FSHR: variants seen among roughly 807,000 people sequenced by gnomAD.
The protein encoded by FSHR is follicle-stimulating hormone receptor.
FSHR carries 46 observed loss-of-function variants against 52.1 expected under a neutral mutation model. That is an observed-to-expected ratio of 0.88 (90% CI 0.70 to 1.13). FSHR has a LOEUF of 1.13. FSHR is among the 50% of genes most tolerant of loss of function. The pLI, the probability that FSHR is intolerant of heterozygous loss-of-function variation, is 0.00. For synonymous variants in FSHR, 399 were observed against 309.6 expected (o/e 1.29, Z -3.03); for missense variants, 964 against 834.6 (o/e 1.16, Z -1.91).
intron 4 of FSHR, among the ~76,000 whole-genome samples, chr2:49,017,037 T>C (rs1365467915): frequency 6.6e-6 from 1 of 152,156 alleles, no homozygotes; most frequent in Non-Finnish European, 1.5e-5. Context: ...TCTCTGCTGA[T>C]AAAATACCAT....
chr2:49,129,141 T>A (rs1463166285), intron 1 of FSHR, among the ~76,000 whole-genome samples: 2 of 152,110 alleles, frequency 1.3e-5, no homozygotes, highest in Non-Finnish European at 2.9e-5. Context: ...CCTGCCTGTC[T>A]TGCTCCTCAC....
intron 1 of FSHR, among the ~76,000 whole-genome samples, chr2:49,077,628 G>C (rs1669997293): frequency 6.6e-6 from 1 of 152,106 alleles, no homozygotes; most frequent in Non-Finnish European, 1.5e-5. Flanking sequence ...TGCATTGTCA[G>C]GCTGCAAATT....
At chr2:49,081,094 TTCC>T (rs1433987600) in intron 1 of FSHR, among the ~76,000 whole-genome samples, 1 of 152,158 alleles carries the variant, frequency 6.6e-6, no homozygotes, top group African/African-American at 2.4e-5. Context: ...TTTCTTTGTG[TTCC>T]TCCTCCTGCC....
intron 1 of FSHR, among the ~76,000 whole-genome samples, chr2:49,132,634 C>T (rs965643463): frequency 1.3e-5 from 2 of 152,086 alleles, no homozygotes; most frequent in Non-Finnish European, 2.9e-5. Context: ...TAAGTAACTT[C>T]ATTGCAATAA....
In FSHR at chr2:48,990,604, T is replaced by G. The variant is rs201387284; in HGVS notation, c.408A>C (p.Pro136=). ...LISNTGIKHL[P]DVHKIHSLQK... is the part of the protein sequence containing the mutation. ...GGAGAGAATGAATCTTGTGAACATC[T>G]GGAAGGTGCTTAATACCTGTGTTGG... The change falls in exon 5 of 10, where the codon CCA becomes CCC. Residue 136 remains proline, a synonymous_variant. Transcript: ENST00000406846. 3 of 1,612,230 alleles carry G rather than the reference T, an allele frequency of 1.9e-6. No individual in the cohort carries two copies. The highest frequency in any genetic ancestry group is 2.5e-6 in the Non-Finnish European group (3 of 1,178,372).
chr2:49,078,604 A>T (rs1005451598), intron 1 of FSHR, among the ~76,000 whole-genome samples: 1 of 151,518 alleles, frequency 6.6e-6, no homozygotes, highest in African/African-American at 2.4e-5. Flanking sequence ...TTCAAAGAAA[A>T]TTTTCATATA....
chr2:49,029,266 T>C (rs775481084), intron 2 of FSHR, among the ~76,000 whole-genome samples: 21 of 152,248 alleles, frequency 1.4e-4, no homozygotes, highest in Non-Finnish European at 2.6e-4. Flanking sequence ...GTGGCTGCTG[T>C]TTATTGAATT....
chr2:49,024,067 GAT>G (rs1382922948), intron 2 of FSHR, among the ~76,000 whole-genome samples: 6 of 152,114 alleles, frequency 3.9e-5, no homozygotes, highest in Non-Finnish European at 8.8e-5. Context: ...CATTATAACT[GAT>G]ACTCATTTGA....
chr2:49,103,356 GGCAAATC>G (rs1671102863), intron 1 of FSHR, among the ~76,000 whole-genome samples: 2 of 152,126 alleles, frequency 1.3e-5, no homozygotes, highest in African/African-American at 4.8e-5. Context: ...AAGTGGCACT[GGCAAATC>G]TCTCACAACA....
At chr2:49,035,012 G>T (rs976766190) in intron 2 of FSHR, among the ~76,000 whole-genome samples, 12 of 152,330 alleles carry the variant, frequency 7.9e-5, no homozygotes, top group Middle Eastern at 6.8e-3. Context: ...CTCACGCAAT[G>T]CTGCAGATGG....
At chr2:49,108,595 T>C (rs1572754996) in intron 1 of FSHR, among the ~76,000 whole-genome samples, 1 of 152,140 alleles carries the variant, frequency 6.6e-6, no homozygotes, top group South Asian at 2.1e-4. Context: ...CCTATAATTC[T>C]CCTGCCAAGA....
At chr2:49,018,971 T>A (rs1271069574) in intron 3 of FSHR, among the ~76,000 whole-genome samples, 1 of 152,220 alleles carries the variant, frequency 6.6e-6, no homozygotes, top group Non-Finnish European at 1.5e-5. Flanking sequence ...AAGTTCTTAT[T>A]TGTGTGTGGA....
At chr2:49,013,603 G>A (rs757752468) in intron 4 of FSHR, among the ~76,000 whole-genome samples, 5 of 149,858 alleles carry the variant, frequency 3.3e-5, no homozygotes, top group Non-Finnish European at 3.0e-5. Flanking sequence ...GGGCAGAGTT[G>A]CCATACACTG....
intron 1 of FSHR, among the ~76,000 whole-genome samples, chr2:49,129,810 G>A (rs1482843521): frequency 6.6e-6 from 1 of 152,106 alleles, no homozygotes; most frequent in Non-Finnish European, 1.5e-5. Flanking sequence ...TCAAAATTCT[G>A]TACCATATGG....
At chr2:49,039,158 A>T (rs1170087238) in intron 2 of FSHR, among the ~76,000 whole-genome samples, 1 of 152,184 alleles carries the variant, frequency 6.6e-6, no homozygotes, top group Admixed American at 6.5e-5. Flanking sequence ...GTACAATTAT[A>T]TATGTTGCTG....
intron 4 of FSHR, chr2:49,014,579 A>C (rs1185763168): frequency 8.7e-6 from 2 of 231,112 alleles, no homozygotes; most frequent in African/African-American, 4.7e-5. Context: ...GGAAGGGCCA[A>C]GGGGGTCCTC....
intron 1 of FSHR, among the ~76,000 whole-genome samples, chr2:49,069,592 A>T (rs1466252404): frequency 6.6e-6 from 1 of 152,094 alleles, no homozygotes; most frequent in African/African-American, 2.4e-5. Flanking sequence ...ATTTGTTATG[A>T]TTGTATACCA....
intron 1 of FSHR, among the ~76,000 whole-genome samples, chr2:49,132,017 A>G (rs879277013): frequency 2.0e-5 from 3 of 151,942 alleles, no homozygotes; most frequent in East Asian, 3.9e-4. Flanking sequence ...GCCTTATTCT[A>G]TTTTTCTGTG....
intron 6 of FSHR, among the ~76,000 whole-genome samples, chr2:48,987,936 T>C (rs1183591941): frequency 6.6e-6 from 1 of 152,040 alleles, no homozygotes; most frequent in Non-Finnish European, 1.5e-5. Flanking sequence ...ATAGCTTTTG[T>C]CCTAATATCT....
Sources: gnomAD v4.1 joint callset for allele counts (sites outside exome capture counted in the v4.1 genomes callset) on GRCh38, gnomAD v4.1.1 for gene constraint, MANE v1.5 for transcripts, NCBI Gene and HGNC (gene_info 2026-07-23, HGNC 2026-07-21) for gene names.